Variants in SEMA6A observed in about 807,000 individuals in gnomAD.
SEMA6A encodes the protein semaphorin-6A.
SEMA6A carries 25 observed loss-of-function variants against 96.8 expected under a neutral mutation model. That is an observed-to-expected ratio of 0.26 (90% CI 0.19 to 0.36). SEMA6A has a LOEUF of 0.36. Among genes scored for constraint, SEMA6A ranks in the 10% least tolerant of loss-of-function variants. SEMA6A has a pLI of 1.00. For missense variants in SEMA6A, 1,363 were observed against 1,323.1 expected (o/e 1.03, Z -0.47); for synonymous variants, 612 against 518.0 (o/e 1.18, Z -2.46).
At chr5:116,475,976 C>T (rs1756427021) in intron 15 of SEMA6A, among the ~76,000 whole-genome samples, 1 of 152,122 alleles carries the variant, frequency 6.6e-6, no homozygotes, top group Non-Finnish European at 1.5e-5. Context: ...AAAGAAAAAT[C>T]TTTTTTTCTC....
chr5:116,458,988 C>G (rs1755196002), intron 18 of SEMA6A, among the ~76,000 whole-genome samples: 1 of 152,072 alleles, frequency 6.6e-6, no homozygotes, highest in African/African-American at 2.4e-5. Context: ...TCCTCAGTCC[C>G]TCAAAGAAAA....
Position 116,467,601 on chromosome 5 carries a change from T to C in SEMA6A, c.1876A>G (p.Asn626Asp). 6.2e-7 allele frequency: 1 copy of C among 1,612,706 alleles called. No homozygotes were observed. The highest frequency in any genetic ancestry group is 1.3e-5 in the African/African-American group (1 of 74,766). Residue 626 changes from asparagine to aspartate, a missense_variant, in exon 18 of 19, where the codon AAT (asparagine) becomes GAT (aspartate). This residue lies in a region of SEMA6A where 883 missense variants were observed against 763.6 expected (regional missense o/e 1.16). Coordinates refer to ENST00000343348, the MANE Select transcript of SEMA6A (RefSeq NM_020796.5). ...GCCTTACCCTTCTTGTCTTGGTGAT[T>C]ATGGGAAGACACTGCCCCCAAAGGG... ...TDPLGAVSSH[N>D]HQDKKGVIRE... is the part of the protein sequence containing the mutation.
chr5:116,522,140 A>G (rs1047056638), intron 1 of SEMA6A, among the ~76,000 whole-genome samples: 1 of 152,240 alleles, frequency 6.6e-6, no homozygotes, highest in Admixed American at 6.5e-5. Flanking sequence ...ATAAGCAACT[A>G]GTAACAGTGT....
chr5:116,570,166 G>C (rs1164284703), intron 1 of SEMA6A, among the ~76,000 whole-genome samples: 2 of 152,100 alleles, frequency 1.3e-5, no homozygotes, highest in African/African-American at 2.4e-5. Context: ...CATTTCGAAG[G>C]GATTAAATGC....
chr5:116,473,233 G>T (rs1368572347), intron 16 of SEMA6A, 140 bp from the exon 17 acceptor site: 3 of 775,510 alleles, frequency 3.9e-6, no homozygotes, highest in Non-Finnish European at 2.1e-6. Flanking sequence ...TAATTTCTGC[G>T]TGTAATGTAA....
rs1335135508 is a variant in SEMA6A, at chr5:116,444,667, AAAAAT to A, written c.*1941_*1945del. On this transcript the variant is annotated 3_prime_UTR_variant, in exon 19 of 19. Coordinates refer to ENST00000343348, the MANE Select transcript of SEMA6A (RefSeq NM_020796.5). ...CCCTAAAAACATAATTAACAAAATA[AAAAAT>A]AAAATAAAAAATCCTTTGCCCCAGT... 14 of 144,836 alleles carry A rather than the reference AAAAAT, an allele frequency of 9.7e-5. No individual in the cohort carries two copies. The highest frequency in any genetic ancestry group is 4.1e-4 in the African/African-American group (14 of 34,194). The allele number at this position is 144,836 out of a possible 1,614,324, so 9.0% of individuals were successfully genotyped here. A position where few individuals can be genotyped will look rare whatever the true frequency, so the allele number is the denominator to read the frequency against.
chr5:116,551,043 C>G (rs1256213255), intron 1 of SEMA6A, among the ~76,000 whole-genome samples: 1 of 152,026 alleles, frequency 6.6e-6, no homozygotes, highest in Non-Finnish European at 1.5e-5. Context: ...TAACACTGCA[C>G]AAAAGGATCA....
At position 116,543,158 on chromosome 5, in the gene SEMA6A, C is replaced by T. The variant is rs189532261; in HGVS notation, c.-39+31027G>A. On this transcript the variant is annotated intron_variant, in intron 1 of 18. Coordinates refer to ENST00000343348, the MANE Select transcript of SEMA6A (RefSeq NM_020796.5). ...GGTTTTTCTGTGTTATGACTATAAC[C>T]GGATTCCTTGAAGACATAGAAGTGC... is the stretch of plus-strand genomic sequence containing the variant. 3.6e-3 allele frequency among the ~76,000 whole-genome samples: 553 copies of T among 152,200 alleles called. 4 individuals are homozygous for T. Among genetic ancestry groups the T allele is most frequent in the African/African-American group, 0.013 (543 of 41,514 alleles).
At chr5:116,519,915 C>T (rs1402433099) in intron 1 of SEMA6A, among the ~76,000 whole-genome samples, 1 of 152,134 alleles carries the variant, frequency 6.6e-6, no homozygotes, top group Non-Finnish European at 1.5e-5. Context: ...ACTTGGCCCT[C>T]CTTCAGTTTA....
At chr5:116,478,419 A>G in intron 13 of SEMA6A, 123 bp downstream of exon 13, 1 of 1,074,154 alleles carries the variant, frequency 9.3e-7, no homozygotes. Context: ...AATTTTTACA[A>G]ACAGCACTAA....
chr5:116,523,648 A>G (rs919649941), intron 1 of SEMA6A, among the ~76,000 whole-genome samples: 2 of 152,162 alleles, frequency 1.3e-5, no homozygotes, highest in Non-Finnish European at 1.5e-5. Context: ...AAAAATATGC[A>G]TAAAACTGAG....
intron 1 of SEMA6A, among the ~76,000 whole-genome samples, chr5:116,532,469 A>C (rs1035911084): frequency 2.6e-5 from 4 of 152,168 alleles, no homozygotes; most frequent in African/African-American, 9.7e-5. Flanking sequence ...TAGAAACCAA[A>C]GTTTTGTGTG....
chr5:116,529,259 C>T (rs1759359890), intron 1 of SEMA6A, among the ~76,000 whole-genome samples: 1 of 152,068 alleles, frequency 6.6e-6, no homozygotes, highest in African/African-American at 2.4e-5. Flanking sequence ...AGAAGGAGAG[C>T]TTGCTAGAGG....
intron 1 of SEMA6A, among the ~76,000 whole-genome samples, chr5:116,560,684 T>C (rs371852587): frequency 2.0e-5 from 3 of 152,106 alleles, no homozygotes; most frequent in East Asian, 1.9e-4. Flanking sequence ...GCCACCCTTA[T>C]GTAACTATTT....
At chr5:116,454,769 T>TA (rs1037487522) in intron 18 of SEMA6A, among the ~76,000 whole-genome samples, 2 of 150,508 alleles carry the variant, frequency 1.3e-5, no homozygotes, top group Admixed American at 1.3e-4. Flanking sequence ...GTTTATAACT[T>TA]AAAGTTTCCT....
intron 18 of SEMA6A, among the ~76,000 whole-genome samples, chr5:116,465,519 G>C (rs1435056479): frequency 6.6e-6 from 1 of 152,178 alleles, no homozygotes; most frequent in African/African-American, 2.4e-5. Flanking sequence ...GGAGTTACTA[G>C]CACAAGAACA....
intron 1 of SEMA6A, among the ~76,000 whole-genome samples, chr5:116,539,910 G>C (rs1158210508): frequency 2.0e-5 from 3 of 152,054 alleles, no homozygotes; most frequent in African/African-American, 7.2e-5. Context: ...AAACTCACAG[G>C]AGATATAGAA....
rs369420151 is a variant in SEMA6A, at chr5:116,450,775, G to A, written c.1895-2964C>T. ...GCATGTCTTCATCTATCCATGGGGA[G>A]GCAGAGGGCTTTCCTCATCTGCTTG... On this transcript the variant is annotated intron_variant, in intron 18 of 18. Transcript: ENST00000343348. 4.8e-4 allele frequency among the ~76,000 whole-genome samples: 73 copies of A among 152,242 alleles called. No individual in the cohort carries two copies. The South Asian group carries it at 0.014, about 29-fold the overall frequency.
chr5:116,508,523 C>T lies in SEMA6A; in HGVS notation c.-38-3541G>A, dbSNP rs565588435. ...CTCACCCCTGACACTAGTTCTAATC[C>T]TCTGCCCAACTATTCCTCCAAATCC... is the stretch of plus-strand genomic sequence containing the variant. On this transcript the variant is annotated intron_variant, in intron 1 of 18. Coordinates refer to ENST00000343348, the MANE Select transcript of SEMA6A (RefSeq NM_020796.5). Among the ~76,000 whole-genome samples the T allele has an allele frequency of 1.2e-4, 18 of 152,334 alleles. No individual in the cohort carries two copies. The South Asian group carries it at 3.7e-3, about 32-fold the overall frequency.
Sources: allele counts gnomAD v4.1 joint callset (sites outside exome capture counted in the v4.1 genomes callset), GRCh38; gene constraint gnomAD v4.1.1; regional missense constraint gnomAD v4.1.1; transcripts MANE v1.5; gene names NCBI Gene and HGNC (gene_info 2026-07-23, HGNC 2026-07-21).